Variants in EZH2 observed in about 807,000 individuals in gnomAD.
EZH2 encodes histone-lysine N-methyltransferase EZH2.
EZH2 carries 18 observed loss-of-function variants against 98.4 expected under a neutral mutation model. That is an observed-to-expected ratio of 0.18 (90% CI 0.13 to 0.27). The LOEUF (loss-of-function observed/expected upper bound fraction) is 0.27. Ranked by LOEUF, EZH2 falls within the 10% of genes least tolerant of loss-of-function variation. The pLI is 1.00. For missense variants in EZH2, 470 were observed against 935.1 expected (o/e 0.50, Z 6.49); for synonymous variants, 338 against 312.3 (o/e 1.08, Z -0.87).
In EZH2 at chr7:148,812,364, T is replaced by C. The variant is rs372286487; in HGVS notation, c.1852-644A>G. Among the ~76,000 whole-genome samples, 10 of 152,328 alleles carry C rather than the reference T, an allele frequency of 6.6e-5. No homozygotes were observed. In the East Asian group the frequency reaches 1.5e-3, roughly 23 times the overall value. On this transcript the variant is annotated intron_variant, in intron 15 of 19. Transcript: ENST00000320356. ...GATGATCATTGCTATAAATTATGTA[T>C]TTAGGGATGTGTTCCCCAACATATG...
intron 1 of EZH2, among the ~76,000 whole-genome samples, chr7:148,881,250 C>T (rs1407065530): frequency 1.3e-5 from 2 of 152,182 alleles, no homozygotes; most frequent in Non-Finnish European, 2.9e-5. Flanking sequence ...TCAATCACTG[C>T]TCATGTAAAG....
chr7:148,845,987 C>T (rs1047764379), intron 3 of EZH2, among the ~76,000 whole-genome samples: 8 of 152,066 alleles, frequency 5.3e-5, no homozygotes, highest in African/African-American at 1.9e-4. Context: ...TCAGAAAGTA[C>T]TATAGAAAAA....
Position 148,814,010 on chromosome 7 carries a change from G to T in EZH2, c.1800C>A (p.Asp600Glu), listed in dbSNP as rs770701942. 1 of 1,614,144 alleles carries T rather than the reference G, an allele frequency of 6.2e-7. No individual in the cohort carries two copies. Among genetic ancestry groups the T allele is most frequent in the Non-Finnish European group, 8.5e-7 (1 of 1,180,024 alleles). The stretch of plus-strand genomic sequence containing the variant: ...AGTTCTTGCAGGACACATTTTTACT[G>T]TCCCAATGGTCAGCGGCTCCACAAG... The part of the protein sequence containing the change: ...CLTCGAADHW[D>E]SKNVSCKNCS... Residue 600 changes from aspartate (D) to glutamate (E), a missense_variant, in exon 15 of 20, where the codon GAC (aspartate) becomes GAA (glutamate). This residue lies in a region of EZH2 where 106 missense variants were observed against 327.2 expected (regional missense o/e 0.32). Coordinates refer to ENST00000320356, the MANE Select transcript of EZH2 (RefSeq NM_004456.5).
At chr7:148,830,391 G>T (rs1350764274) in intron 4 of EZH2, among the ~76,000 whole-genome samples, 1 of 151,914 alleles carries the variant, frequency 6.6e-6, no homozygotes, top group Non-Finnish European at 1.5e-5. Flanking sequence ...GGTGTATCAA[G>T]ATCAACTATA....
intron 3 of EZH2, among the ~76,000 whole-genome samples, chr7:148,834,665 T>C (rs1810409016): frequency 6.6e-6 from 1 of 152,178 alleles, no homozygotes; most frequent in Admixed American, 6.6e-5. Context: ...AAGGTAATAA[T>C]ACTAATAAGG....
intron 1 of EZH2, among the ~76,000 whole-genome samples, chr7:148,865,843 T>C (rs12670401): frequency 0.41 from 62,714 of 152,066 alleles, 13,463 homozygotes; most frequent in Non-Finnish European, 0.48. Context: ...GAACCTCTCA[T>C]AATTTCCAGG....
At chr7:148,872,392 A>G (rs1012162513) in intron 1 of EZH2, among the ~76,000 whole-genome samples, 5 of 152,234 alleles carry the variant, frequency 3.3e-5, no homozygotes, top group African/African-American at 1.2e-4. Context: ...GCAAGACAAA[A>G]AAGTTCTAGA....
At chr7:148,871,890 A>G (rs936788013) in intron 1 of EZH2, among the ~76,000 whole-genome samples, 2 of 152,108 alleles carry the variant, frequency 1.3e-5, no homozygotes. Context: ...TATATTTTCT[A>G]TCTATGGCTG....
Position 148,872,839 on chromosome 7 carries a change from CT to C in EZH2, c.-8+11324del, listed in dbSNP as rs879385903. Among the ~76,000 whole-genome samples the C allele has an allele frequency of 1.7e-3, 250 of 145,814 alleles. 1 individual carries two copies. Among genetic ancestry groups the C allele is most frequent in the Admixed American group, 5.5e-3 (80 of 14,578 alleles). On this transcript the variant is annotated intron_variant, in intron 1 of 19. Coordinates refer to ENST00000320356, the MANE Select transcript of EZH2 (RefSeq NM_004456.5). ...TCATGACATACTGTCTTTTTGATAC[CT>C]TTTTTTTTTTAAACTTCCTGAAGAC...
chr7:148,870,695 CAAAAAA>C (rs769953626), intron 1 of EZH2, among the ~76,000 whole-genome samples: 1 of 93,336 alleles, frequency 1.1e-5, no homozygotes, highest in African/African-American at 4.0e-5. Context: ...GACTCTGTCT[CAAAAAA>C]AAAAAAAAAA....
chr7:148,822,936 G>A (rs1194033848), intron 8 of EZH2, among the ~76,000 whole-genome samples: 3 of 151,988 alleles, frequency 2.0e-5, no homozygotes, highest in Non-Finnish European at 2.9e-5. Flanking sequence ...AGCGAGACCC[G>A]TCTCACAAAA....
intron 1 of EZH2, among the ~76,000 whole-genome samples, chr7:148,874,419 A>G (rs1190943438): frequency 1.3e-5 from 2 of 151,886 alleles, no homozygotes; most frequent in Non-Finnish European, 2.9e-5. Flanking sequence ...AAAAACACCT[A>G]TCAGAGATAA....
intron 1 of EZH2, among the ~76,000 whole-genome samples, chr7:148,869,607 G>A (rs1819039857): frequency 6.6e-6 from 1 of 152,086 alleles, no homozygotes; most frequent in African/African-American, 2.4e-5. Flanking sequence ...CAAAGTGCTG[G>A]GATTACTGGC....
In EZH2 at chr7:148,858,891, GTAAC is replaced by G. The variant is rs149907489; in HGVS notation, c.-7-11590_-7-11587del. Reference sequence around the variant, plus strand: ...TTCTACAGAATCTGAATCAAGGGAAGTAACTGTGCCACTGACTGAACTTGTACTG... The same window carrying G: ...TTCTACAGAATCTGAATCAAGGGAAGTGTGCCACTGACTGAACTTGTACTG... On this transcript the variant is annotated intron_variant, in intron 1 of 19. Transcript: ENST00000320356. Among the ~76,000 whole-genome samples, 1,328 of 152,290 alleles carry G rather than the reference GTAAC, an allele frequency of 8.7e-3. 25 individuals carry two copies. The highest frequency in any genetic ancestry group is 0.029 in the African/African-American group (1,186 of 41,550).
chr7:148,809,662 CAAA>C (rs5888341), intron 17 of EZH2, among the ~76,000 whole-genome samples: 6 of 142,416 alleles, frequency 4.2e-5, no homozygotes, highest in African/African-American at 5.1e-5. Flanking sequence ...CAAAACATAG[CAAA>C]AAAAAAAAAA....
chr7:148,880,311 C>CA (rs200945758), intron 1 of EZH2, among the ~76,000 whole-genome samples: 1 of 152,344 alleles, frequency 6.6e-6, no homozygotes, highest in East Asian at 1.9e-4. Context: ...TCCAATTACA[C>CA]TGTCGCTACA....
chr7:148,829,241 T>G (rs1314008528), intron 5 of EZH2, among the ~76,000 whole-genome samples: 1 of 152,122 alleles, frequency 6.6e-6, no homozygotes, highest in African/African-American at 2.4e-5. Context: ...ATGATGATAT[T>G]ACAAATATTA....
At position 148,861,519 on chromosome 7, in the gene EZH2, G is replaced by A. The variant is rs540353437; in HGVS notation, c.-7-14214C>T. Among the ~76,000 whole-genome samples, 34 of 152,178 alleles carry A rather than the reference G, an allele frequency of 2.2e-4. No homozygotes were observed. In the East Asian group the frequency reaches 3.5e-3, roughly 16 times the overall value. On this transcript the variant is annotated intron_variant, in intron 1 of 19. Coordinates refer to ENST00000320356, the MANE Select transcript of EZH2 (RefSeq NM_004456.5). ...TGGGATTACAGGCATGAGCCACAGC[G>A]CCCGCCCTGTTCTATTATTTTATTG... is the stretch of plus-strand genomic sequence containing the variant.
At position 148,823,844 on chromosome 7, in the gene EZH2, G is replaced by A. The variant is rs916110792; in HGVS notation, c.907+2610C>T. ...CTTCATATTAATACTTTTTGGAAAC[G>A]TAAACCATGTGAATGATGACCTATT... On this transcript the variant is annotated intron_variant, in intron 8 of 19. Transcript: ENST00000320356. Among the ~76,000 whole-genome samples the A allele has an allele frequency of 4.6e-5, 7 of 152,092 alleles. No homozygotes were observed. In the South Asian group the frequency reaches 1.2e-3, roughly 27 times the overall value.
Sources: gnomAD v4.1 joint callset for allele counts (sites outside exome capture counted in the v4.1 genomes callset) on GRCh38, gnomAD v4.1.1 for gene constraint, gnomAD v4.1.1 regional missense constraint, MANE v1.5 for transcripts, NCBI Gene and HGNC (gene_info 2026-07-23, HGNC 2026-07-21) for gene names.